ABCC6: variants seen among roughly 807,000 people sequenced by gnomAD.
ABCC6 encodes ATP-binding cassette sub-family C member 6.
ABCC6 carries 126 observed loss-of-function variants against 169.5 expected under a neutral mutation model. That is an observed-to-expected ratio of 0.74 (90% CI 0.64 to 0.86). The LOEUF (loss-of-function observed/expected upper bound fraction) is 0.86, where lower values mean the gene tolerates loss of function less well. Ranked by LOEUF, ABCC6 falls within the 40% of genes least tolerant of loss-of-function variation. The probability of loss-of-function intolerance (pLI) is 0.00; values close to 1 mark genes in which losing one functional copy is unlikely to be tolerated. For missense variants in ABCC6, 1,733 were observed against 1,927.2 expected (o/e 0.90, Z 1.89); for synonymous variants, 752 against 814.7 (o/e 0.92, Z 1.31).
chr16:16,170,954 G>A (rs1381229802), intron 21 of ABCC6, among the ~76,000 whole-genome samples: 84 of 119,882 alleles, frequency 7.0e-4, no homozygotes, highest in Middle Eastern at 4.2e-3. Flanking sequence ...AAGAAAGAAA[G>A]AAAGAAAGAA....
At chr16:16,177,343 G>A in intron 19 of ABCC6, 109 bp downstream of exon 19, 1 of 1,288,248 alleles carries the variant, frequency 7.8e-7, no homozygotes, top group Non-Finnish European at 1.1e-6. Context: ...TAGGCCTGCA[G>A]ACAGGGTGTG....
In ABCC6 at chr16:16,190,381, G is replaced by A. The variant is rs1237469968; in HGVS notation, c.1432-14C>T. 1 of 1,612,202 alleles carries A rather than the reference G, an allele frequency of 6.2e-7. No homozygotes were observed. Among genetic ancestry groups the A allele is most frequent in the Non-Finnish European group, 8.5e-7 (1 of 1,179,366 alleles). ...CATTTGCTCCTCCTGGGATCGGAGG[G>A]AAAAAGAGAGATGAAGACAGGGACA... On this transcript the variant is annotated splice_polypyrimidine_tract_variant and intron_variant, in intron 11 of 30. Transcript: ENST00000205557.
At chr16:16,159,252 C>G (rs1346309793) in intron 26 of ABCC6, among the ~76,000 whole-genome samples, 1 of 152,148 alleles carries the variant, frequency 6.6e-6, no homozygotes, top group South Asian at 2.1e-4. Flanking sequence ...GGGTGACCTG[C>G]TTTCCTCAAG....
rs1374292357 is a variant in ABCC6 at position 16,203,399 on chromosome 16, C to A, written c.998+11G>T. 1 of 1,613,804 alleles carries A rather than the reference C, an allele frequency of 6.2e-7. No homozygotes were observed. Among genetic ancestry groups the A allele is most frequent in the Non-Finnish European group, 8.5e-7 (1 of 1,179,868 alleles). ...CCCACCTTAGCAGGGCACTTGAGGT[C>A]TGGGACTCACCTGAGCAGCTTGGGG... On this transcript the variant is annotated intron_variant, in intron 8 of 30. Coordinates refer to ENST00000205557, the MANE Select transcript of ABCC6 (RefSeq NM_001171.6).
intron 2 of ABCC6, among the ~76,000 whole-genome samples, chr16:16,220,897 C>CAA (rs796606542): frequency 0.01 from 1,189 of 117,208 alleles, 13 homozygotes; most frequent in South Asian, 0.028. Context: ...AACTGCATCT[C>CAA]AAAAAAAAAA....
In ABCC6 at chr16:16,171,859, TGGTGGGAGGGATGGATAAATGAGTA is replaced by T. The variant is rs2047086827; in HGVS notation, c.2787+1400_2787+1424del. 7.0e-5 allele frequency among the ~76,000 whole-genome samples: 3 copies of T among 43,122 alleles called. No individual in the cohort carries two copies. The Admixed American group carries it at 8.8e-4, about 13-fold the overall frequency. 28.3% of individuals were successfully genotyped at this position (43,122 alleles called of 152,430 possible). ...GAGTGGGTGGGATGGATAAATGAGT[TGGTGGGAGGGATGGATAAATGAGTA>T]GGTGGGATGGATGGATAAATGAATG... is the stretch of plus-strand genomic sequence containing the variant. On this transcript the variant is annotated intron_variant, in intron 21 of 30. Coordinates refer to ENST00000205557, the MANE Select transcript of ABCC6 (RefSeq NM_001171.6).
In ABCC6 at chr16:16,177,588, G is replaced by C; in HGVS notation, c.2454C>G (p.Pro818=). The C allele has an allele frequency of 6.2e-7, 1 of 1,614,238 alleles. No individual in the cohort carries two copies. The highest frequency in any genetic ancestry group is 8.5e-7 in the Non-Finnish European group (1 of 1,180,050). The change falls in exon 19 of 31, where the codon CCC becomes CCG. Residue 818 remains proline (P), a synonymous_variant. Transcript: ENST00000205557. ...ILVTHALHIL[P]QADWIIVLAN... Reference sequence around the variant, plus strand: ...CCAGCACTATGATCCAATCAGCCTGGGGCAGGATGTGGAGTGCGTGCGTCA... The same window carrying C: ...CCAGCACTATGATCCAATCAGCCTGCGGCAGGATGTGGAGTGCGTGCGTCA...
chr16:16,155,445 A>C, intron 27 of ABCC6: 4 of 242,954 alleles, frequency 1.6e-5, no homozygotes, highest in East Asian at 9.2e-5. Flanking sequence ...CCTCAATCCC[A>C]TCCCTCCATC....
At chr16:16,176,136 T>A (rs1173377730) in intron 19 of ABCC6, 150 bp from the exon 20 acceptor site, 2 of 745,250 alleles carry the variant, frequency 2.7e-6, no homozygotes, top group East Asian at 5.3e-5. Context: ...CACCCCACTC[T>A]GAGTTCTTCC....
At chr16:16,150,795 G>C in intron 29 of ABCC6, 23 bp from the exon 30 acceptor site, 1 of 1,611,064 alleles carries the variant, frequency 6.2e-7, no homozygotes, top group Non-Finnish European at 8.5e-7. Flanking sequence ...GGGACAATTA[G>C]CTGGGACGTG....
At chr16:16,187,306 G>T in intron 13 of ABCC6, 95 bp from the exon 14 acceptor site, 1 of 985,364 alleles carries the variant, frequency 1.0e-6, no homozygotes, top group Non-Finnish European at 1.6e-6. Flanking sequence ...ACAGCTTCCT[G>T]TCTACCAAGC....
Position 16,198,095 on chromosome 16 carries a change from CG to C in ABCC6, c.1263del (p.Glu422ArgfsTer39), listed in dbSNP as rs1567523218. On this transcript the variant is annotated frameshift_variant, in exon 10 of 31. Transcript: ENST00000205557. LOFTEE classifies it high-confidence loss of function. ...AGCCCGTTGAGGTAGAGGACGCTCTCGGTCAGCCGCTGCACGTCCACGGACA... is the reference window on the plus strand; with the variant it reads ...AGCCCGTTGAGGTAGAGGACGCTCTCGTCAGCCGCTGCACGTCCACGGACA... ...NLVSVDVQRL[T>X]ESVLYLNGLW... 1 of 1,613,722 alleles carries C rather than the reference CG, an allele frequency of 6.2e-7. No homozygotes were observed. The highest frequency in any genetic ancestry group is 1.1e-5 in the South Asian group (1 of 90,970).
intron 18 of ABCC6, 149 bp downstream of exon 18, chr16:16,178,649 T>C (rs1170360673): frequency 2.9e-5 from 27 of 915,838 alleles, no homozygotes; most frequent in Non-Finnish European, 4.5e-5. Context: ...GTTTGTTACA[T>C]AGCATTGTCA....
chr16:16,168,539 G>A (rs2046954853), intron 22 of ABCC6, among the ~76,000 whole-genome samples: 1 of 152,002 alleles, frequency 6.6e-6, no homozygotes, highest in Non-Finnish European at 1.5e-5. Context: ...GTGCACTCCT[G>A]TTACTCCCTT....
intron 27 of ABCC6, 79 bp from the exon 28 acceptor site, chr16:16,155,110 C>T (rs1388301262): frequency 6.7e-7 from 1 of 1,487,450 alleles, no homozygotes. Context: ...TCTGCTGTAC[C>T]CGAGATCTGT....
chr16:16,182,819 C>T lies in ABCC6; in HGVS notation c.2055G>A (p.Gly685=). ...ALLGELSKVE[G]FVSIEGAVAY... ...GTGGCCTCACCTCGATGCTCACGAACCCCTCCACCTTTGACAGCTCCCCAA... is the reference window on the plus strand; with the variant it reads ...GTGGCCTCACCTCGATGCTCACGAATCCCTCCACCTTTGACAGCTCCCCAA... Residue 685 remains glycine, a synonymous_variant, in exon 16 of 31, where the codon GGG becomes GGA. Coordinates refer to ENST00000205557, the MANE Select transcript of ABCC6 (RefSeq NM_001171.6). 6.2e-7 allele frequency: 1 copy of T among 1,614,028 alleles called. No individual in the cohort carries two copies.
intron 23 of ABCC6, among the ~76,000 whole-genome samples, chr16:16,164,912 G>A (rs891362872): frequency 3.3e-5 from 5 of 152,208 alleles, no homozygotes; most frequent in African/African-American, 1.2e-4. Context: ...CTGGGCCCAT[G>A]CCCCCAAGGA....
intron 26 of ABCC6, 36 bp from the exon 27 acceptor site, chr16:16,157,845 TCCTC>T (rs766376643): frequency 1.3e-6 from 2 of 1,598,924 alleles, no homozygotes; most frequent in South Asian, 2.2e-5. Flanking sequence ...AGAGGAGCCT[TCCTC>T]TAAGACTTCA....
chr16:16,161,136 A>C (rs985113322), intron 25 of ABCC6, among the ~76,000 whole-genome samples: 4 of 152,232 alleles, frequency 2.6e-5, no homozygotes, highest in African/African-American at 9.6e-5. Context: ...AATGCACTAG[A>C]AATGTCCTCC....
Sources: gnomAD v4.1 joint callset for allele counts (sites outside exome capture counted in the v4.1 genomes callset) on GRCh38, gnomAD v4.1.1 for gene constraint, MANE v1.5 for transcripts, NCBI Gene and HGNC (gene_info 2026-07-23, HGNC 2026-07-21) for gene names.